Variants in ACSF3 observed in about 807,000 individuals in gnomAD.
ACSF3 encodes the protein malonate--CoA ligase ACSF3, mitochondrial.
ACSF3 carries 78 observed loss-of-function variants against 53.2 expected under a neutral mutation model. That is an observed-to-expected ratio of 1.47 (90% CI 1.22 to 1.77). The LOEUF is 1.77. Among genes scored for constraint, ACSF3 ranks in the 40% most tolerant of loss-of-function variants. The pLI is 0.00. For missense variants in ACSF3, 937 were observed against 771.1 expected, an observed-to-expected ratio of 1.22 and a Z score of -2.55; for synonymous variants, 414 against 333.1, an observed-to-expected ratio of 1.24 and a Z score of -2.65.
At chr16:89,151,441 C>G (rs545654239) in intron 10 of ACSF3, 1 of 319,674 alleles carries the variant, frequency 3.1e-6, no homozygotes, top group Non-Finnish European at 6.1e-6. Flanking sequence ...GACAAGAAAA[C>G]GAGAGGACAG....
intron 7 of ACSF3, among the ~76,000 whole-genome samples, chr16:89,125,604 T>C (rs1907845307): frequency 1.3e-5 from 2 of 151,694 alleles, no homozygotes; most frequent in African/African-American, 4.8e-5. Flanking sequence ...GTCACAAGAA[T>C]TGTTTGAGCC....
chr16:89,120,924 C>G lies in ACSF3; in HGVS notation c.1239+11C>G. 6.2e-7 allele frequency: 1 copy of G among 1,611,466 alleles called. No homozygotes were observed. Among genetic ancestry groups the G allele is most frequent in the Non-Finnish European group, 8.5e-7 (1 of 1,178,050 alleles). ...GAGAGGGGGACCAAGGTAAGCCACT[C>G]TGCTCTTGGCAGGTGGGCGGCCGTG... On this transcript the variant is annotated intron_variant, in intron 7 of 10. Transcript: ENST00000614302.
rs11269999 is a variant in ACSF3 at position 89,142,518 on chromosome 16, T to TACCCACACCTGCAGACAC, written c.1367-2697_1367-2680dup. ...AGACACAGCCACGCCTGCAGAGACA[T>TACCCACACCTGCAGACAC]ACCCACACCTGCAGACACACCCACA... On this transcript the variant is annotated intron_variant, in intron 8 of 10. Transcript: ENST00000614302. Among the ~76,000 whole-genome samples the TACCCACACCTGCAGACAC allele has an allele frequency of 2.1e-4, 23 of 107,196 alleles. 1 individual carries two copies. The highest frequency in any genetic ancestry group is 3.7e-4 in the Non-Finnish European group (19 of 50,764). The allele number at this position is 107,196 out of a possible 152,430, so 70.3% of individuals were successfully genotyped here.
chr16:89,135,776 T>G (rs1275509052), intron 8 of ACSF3, among the ~76,000 whole-genome samples: 1 of 152,220 alleles, frequency 6.6e-6, no homozygotes, highest in East Asian at 1.9e-4. Flanking sequence ...GTTTTATTTA[T>G]TTAGTTAGTT....
At chr16:89,131,167 T>C in intron 7 of ACSF3, among the ~76,000 whole-genome samples, 1 of 128,228 alleles carries the variant, frequency 7.8e-6, no homozygotes, top group East Asian at 2.7e-4. Flanking sequence ...AGGGTCTCAC[T>C]CCGTCACCTA....
chr16:89,146,300 A>G (rs1334394632), intron 10 of ACSF3, among the ~76,000 whole-genome samples: 1 of 152,150 alleles, frequency 6.6e-6, no homozygotes, highest in Non-Finnish European at 1.5e-5. Context: ...TTCCTGGGAC[A>G]GGGCCCTGTA....
rs141640398 is a variant in ACSF3 at position 89,137,697 on chromosome 16, A to G, written c.1366+4435A>G. On this transcript the variant is annotated intron_variant, in intron 8 of 10. Transcript: ENST00000614302. ...CCCAGGAGGACCACCAGGAGCTCAC[A>G]GGGAAGGATGGGGAGAGGGGAGTGG... Among the ~76,000 whole-genome samples, 506 of 150,264 alleles carry G rather than the reference A, an allele frequency of 3.4e-3. 1 individual carries two copies. Among genetic ancestry groups the G allele is most frequent in the Non-Finnish European group, 5.7e-3 (380 of 67,250 alleles).
At chr16:89,147,611 C>T (rs1317624046) in intron 10 of ACSF3, 1 of 147,278 alleles carries the variant, frequency 6.8e-6, no homozygotes, top group Admixed American at 6.9e-5. Flanking sequence ...CACTCTCAAA[C>T]ATGCAGGTCT....
intron 8 of ACSF3, chr16:89,141,004 T>G (rs983096250): frequency 8.3e-7 from 1 of 1,200,852 alleles, no homozygotes. Context: ...ATCGATGCAT[T>G]TTGATAAATA....
intron 10 of ACSF3, chr16:89,151,020 G>C (rs1276321043): frequency 7.8e-7 from 1 of 1,288,894 alleles, no homozygotes; most frequent in Non-Finnish European, 1.0e-6. Context: ...AAGGTCATGA[G>C]TTTTCAGGTT....
chr16:89,104,673 T>A (rs998580786), intron 4 of ACSF3, among the ~76,000 whole-genome samples: 2 of 152,142 alleles, frequency 1.3e-5, no homozygotes, highest in Non-Finnish European at 2.9e-5. Context: ...CCCCACACGG[T>A]GGCTGGAGGT....
At chr16:89,098,270 A>G (rs1410694298) in intron 1 of ACSF3, among the ~76,000 whole-genome samples, 2 of 152,190 alleles carry the variant, frequency 1.3e-5, no homozygotes, top group Non-Finnish European at 2.9e-5. Flanking sequence ...AGAAAACAAA[A>G]CTGTTTAGTA....
chr16:89,118,541 A>T (rs1905779125), intron 6 of ACSF3, among the ~76,000 whole-genome samples: 2 of 141,008 alleles, frequency 1.4e-5, no homozygotes, highest in Admixed American at 1.5e-4. Context: ...CTCGCTGCTC[A>T]GTGCACTGTC....
chr16:89,145,355 C>T lies in ACSF3; in HGVS notation c.1455C>T (p.Ser485=), dbSNP rs377487769. Residue 485 remains serine, a synonymous_variant, in exon 9 of 11, where the codon AGC becomes AGT. Coordinates refer to ENST00000614302, the MANE Select transcript of ACSF3 (RefSeq NM_001243279.3). ...TCAAGACTGGAGGCTACAAGGTCAG[C>T]GCCCTGGAGGTGGAGTGGCACCTGC... The part of the protein sequence containing the change: ...DIIKTGGYKV[S]ALEVEWHLLA... The T allele has an allele frequency of 2.9e-5, 47 of 1,614,060 alleles. No homozygotes were observed. The highest frequency in any genetic ancestry group is 1.0e-4 in the Admixed American group (6 of 60,002).
At chr16:89,135,652 A>G (rs1250985175) in intron 8 of ACSF3, among the ~76,000 whole-genome samples, 1 of 152,232 alleles carries the variant, frequency 6.6e-6, no homozygotes, top group Admixed American at 6.5e-5. Flanking sequence ...CAGCCTGTCC[A>G]TGACTTCCCT....
At position 89,107,704 on chromosome 16, in the gene ACSF3, G is replaced by A. The variant is rs558380246; in HGVS notation, c.823-4388G>A. 2.0e-5 allele frequency among the ~76,000 whole-genome samples: 3 copies of A among 152,324 alleles called. No individual in the cohort carries two copies. In the South Asian group the frequency reaches 6.2e-4, roughly 32 times the overall value. On this transcript the variant is annotated intron_variant, in intron 4 of 10. Transcript: ENST00000614302. Reference sequence around the variant, plus strand: ...ACATTCTCACACAGATGTCCCTGTGGACAGTTCCCTTGGATCCGCAACTCC... The same window carrying A: ...ACATTCTCACACAGATGTCCCTGTGAACAGTTCCCTTGGATCCGCAACTCC...
At chr16:89,124,087 C>T (rs371521730) in intron 7 of ACSF3, among the ~76,000 whole-genome samples, 2 of 3,750 alleles carry the variant, frequency 5.3e-4, no homozygotes, top group Non-Finnish European at 1.9e-3. Flanking sequence ...GCCTAGTGTG[C>T]GCATGGGTAT....
At chr16:89,125,820 C>A (rs967090283) in intron 7 of ACSF3, among the ~76,000 whole-genome samples, 4 of 152,258 alleles carry the variant, frequency 2.6e-5, no homozygotes, top group Non-Finnish European at 5.9e-5. Context: ...GTATGTCTCT[C>A]CATTTACTTA....
At chr16:89,129,501 A>C (rs546817608) in intron 7 of ACSF3, among the ~76,000 whole-genome samples, 1 of 152,260 alleles carries the variant, frequency 6.6e-6, no homozygotes, top group East Asian at 1.9e-4. Flanking sequence ...CTACCTGTGT[A>C]ATTGTATTTG....
Sources: allele counts gnomAD v4.1 joint callset (sites outside exome capture counted in the v4.1 genomes callset), GRCh38; gene constraint gnomAD v4.1.1; transcripts MANE v1.5; gene names NCBI Gene and HGNC (gene_info 2026-07-23, HGNC 2026-07-21).